Variants in TACC1 observed in about 807,000 individuals in gnomAD.
The protein encoded by TACC1 is transforming acidic coiled-coil-containing protein 1.
In TACC1, 48 loss-of-function variants were observed where a neutral mutation model predicts 84.4. The ratio of observed to expected loss-of-function variants is 0.57; its 90% confidence interval spans 0.45 to 0.72. The LOEUF is 0.72. Ranked by LOEUF, TACC1 falls within the 30% of genes least tolerant of loss-of-function variation. TACC1 has a pLI of 0.00. For synonymous variants in TACC1, 372 were observed against 376.3 expected (o/e 0.99, Z 0.13); for missense variants, 920 against 973.0 (o/e 0.95, Z 0.72).
rs969196556 is a variant in TACC1 at position 38,797,238 on chromosome 8, G to A, written c.277+8419G>A. ...CTCAAAAGTCACACTTATTTCCACA[G>A]TATCCTTTTGGTTACACAGGTCAGT... is the stretch of plus-strand genomic sequence containing the variant. On this transcript the variant is annotated intron_variant, in intron 2 of 12. Coordinates refer to ENST00000317827, the MANE Select transcript of TACC1 (RefSeq NM_006283.3). 3.3e-5 allele frequency among the ~76,000 whole-genome samples: 5 copies of A among 152,344 alleles called. No individual in the cohort carries two copies. The South Asian group carries it at 1.0e-3, about 32-fold the overall frequency.
intron 3 of TACC1, chr8:38,757,494 A>C: frequency 9.2e-7 from 1 of 1,083,292 alleles, no homozygotes; most frequent in African/African-American, 1.7e-5. Context: ...CCGTCCCAGA[A>C]AGGCTGGGAA....
chr8:38,731,309 G>A (rs1264190526), intron 1 of TACC1, among the ~76,000 whole-genome samples: 1 of 152,136 alleles, frequency 6.6e-6, no homozygotes, highest in Non-Finnish European at 1.5e-5. Context: ...TCTCAGCTCT[G>A]TCACATTTTA....
rs1392398711 is a variant in TACC1, at chr8:38,819,558, T to A, written c.314T>A (p.Val105Glu). The A allele has an allele frequency of 6.2e-7, 1 of 1,612,454 alleles. No individual in the cohort carries two copies. The highest frequency in any genetic ancestry group is 8.5e-7 in the Non-Finnish European group (1 of 1,178,586). Residue 105 changes from valine (V) to glutamate (E), a missense_variant, in exon 3 of 13, where the codon GTG (valine) becomes GAG (glutamate). Around this residue, in one of 2 missense-constraint regions of TACC1, gnomAD observed 762 missense variants for 747.3 expected, o/e 1.02. Coordinates refer to ENST00000317827, the MANE Select transcript of TACC1 (RefSeq NM_006283.3). ...QEADEQLVAE[V>E]VEKCSSKTCS... is the part of the protein sequence containing the mutation. ...GCTGATGAACAGCTTGTAGCAGAAG[T>A]GGTTGAAAAATGTTCATCTAAGACT...
At chr8:38,800,281 A>G (rs890910436) in intron 2 of TACC1, among the ~76,000 whole-genome samples, 1 of 152,152 alleles carries the variant, frequency 6.6e-6, no homozygotes, top group Admixed American at 6.5e-5. Context: ...CTGCCATACA[A>G]TTCACCATTT....
chr8:38,793,260 G>T (rs1158712562), intron 2 of TACC1, among the ~76,000 whole-genome samples: 1 of 152,156 alleles, frequency 6.6e-6, no homozygotes, highest in African/African-American at 2.4e-5. Flanking sequence ...ACTGCCTCAG[G>T]CCTGTGAGGG....
At position 38,832,294 on chromosome 8, in the gene TACC1, GGTGTGGT is replaced by G. The variant is rs1829421414; in HGVS notation, c.1713+1120_1713+1126del. ...ATACACTGTTGTGTTAGAATACACT[GGTGTGGT>G]GTTGATAGGAAACACGTGGAAAAGA... is the stretch of plus-strand genomic sequence containing the variant. On this transcript the variant is annotated intron_variant, in intron 6 of 12. Transcript: ENST00000317827. 5.9e-5 allele frequency among the ~76,000 whole-genome samples: 9 copies of G among 152,346 alleles called. No individual in the cohort carries two copies. In the South Asian group the frequency reaches 1.9e-3, roughly 32 times the overall value.
At chr8:38,809,982 TA>T (rs1226623017) in intron 2 of TACC1, among the ~76,000 whole-genome samples, 6 of 152,148 alleles carry the variant, frequency 3.9e-5, no homozygotes, top group Admixed American at 6.5e-5. Flanking sequence ...TATGTAACTG[TA>T]AAAAAACTTT....
At chr8:38,814,901 A>G (rs1469457169) in intron 2 of TACC1, among the ~76,000 whole-genome samples, 1 of 152,258 alleles carries the variant, frequency 6.6e-6, no homozygotes, top group Non-Finnish European at 1.5e-5. Context: ...AATTGTACAC[A>G]AGAAAATACA....
intron 2 of TACC1, among the ~76,000 whole-genome samples, chr8:38,742,710 C>T (rs765178281): frequency 5.9e-5 from 9 of 151,838 alleles, no homozygotes; most frequent in Non-Finnish European, 1.3e-4. Flanking sequence ...TCTTTTTTTG[C>T]TTGTTTGTTT....
chr8:38,805,208 A>C (rs549340104), intron 2 of TACC1, among the ~76,000 whole-genome samples: 1 of 152,226 alleles, frequency 6.6e-6, no homozygotes, highest in Non-Finnish European at 1.5e-5. Context: ...CTCATAGCAC[A>C]TACCTTAGAT....
intron 2 of TACC1, among the ~76,000 whole-genome samples, chr8:38,813,941 C>G (rs1824841260): frequency 6.6e-6 from 1 of 152,092 alleles, no homozygotes; most frequent in South Asian, 2.1e-4. Context: ...GTAGGTAGGC[C>G]TTTGTGGGCA....
At chr8:38,816,132 C>T (rs1011262686) in intron 2 of TACC1, among the ~76,000 whole-genome samples, 4 of 151,996 alleles carry the variant, frequency 2.6e-5, no homozygotes, top group African/African-American at 9.7e-5. Flanking sequence ...GTAAGAGGAG[C>T]AGAGGGGAAT....
rs532172841 is a variant in TACC1, at chr8:38,819,996, A to G, written c.752A>G (p.Asn251Ser). Residue 251 changes from asparagine to serine, a missense_variant, in exon 3 of 13, where the codon AAC becomes AGC. Around this residue, in one of 2 missense-constraint regions of TACC1, gnomAD observed 762 missense variants for 747.3 expected, o/e 1.02. Transcript: ENST00000317827. Reference protein sequence around the residue: ...KAIGGEFSDTNAAVEGTPLPK... With the variant: ...KAIGGEFSDTSAAVEGTPLPK... ...ATTGGAGGAGAGTTCTCAGACACCA[A>G]CGCTGCTGTGGAGGGCACACCTCTC... The G allele has an allele frequency of 3.7e-6, 6 of 1,613,992 alleles. No individual in the cohort carries two copies. The highest frequency in any genetic ancestry group is 4.5e-5 in the East Asian group (2 of 44,880).
intron 6 of TACC1, among the ~76,000 whole-genome samples, chr8:38,834,510 C>T (rs1204752509): frequency 6.6e-6 from 1 of 152,178 alleles, no homozygotes; most frequent in Non-Finnish European, 1.5e-5. Flanking sequence ...CAAGTGCCTT[C>T]TGGTTCTAGT....
At chr8:38,811,747 T>C (rs556023642) in intron 2 of TACC1, among the ~76,000 whole-genome samples, 1 of 152,330 alleles carries the variant, frequency 6.6e-6, no homozygotes, top group Admixed American at 6.5e-5. Context: ...TTAAACAATA[T>C]GAAATCAGTG....
intron 2 of TACC1, among the ~76,000 whole-genome samples, chr8:38,804,234 T>C (rs1822107993): frequency 6.6e-6 from 1 of 152,210 alleles, no homozygotes; most frequent in African/African-American, 2.4e-5. Context: ...GAACAAATTT[T>C]CATTAAATTT....
chr8:38,751,577 A>G lies in TACC1; in HGVS notation c.26+6084A>G, dbSNP rs558261168. On this transcript the variant is annotated intron_variant, in intron 3 of 14. Coordinates refer to the TACC1 transcript ENST00000518415. ...TGTGTGGGATAAGTCTATTGGTGCCATTTTTCTAACAGCATGTACTCACTT... is the reference window on the plus strand; with the variant it reads ...TGTGTGGGATAAGTCTATTGGTGCCGTTTTTCTAACAGCATGTACTCACTT... Among the ~76,000 whole-genome samples, 188 of 152,082 alleles carry G rather than the reference A, an allele frequency of 1.2e-3. 2 individuals are homozygous for G. Among genetic ancestry groups the G allele is most frequent in the Non-Finnish European group, 8.8e-5 (6 of 67,968 alleles).
At chr8:38,756,317 C>A (rs1208708401) in intron 3 of TACC1, among the ~76,000 whole-genome samples, 1 of 151,996 alleles carries the variant, frequency 6.6e-6, no homozygotes, top group African/African-American at 2.4e-5. Context: ...AGCTTATGTT[C>A]TAGCAAGGGA....
intron 6 of TACC1, 22 bp downstream of exon 6, chr8:38,831,199 G>A (rs1382306291): frequency 1.9e-6 from 3 of 1,613,634 alleles, no homozygotes; most frequent in Non-Finnish European, 2.5e-6. Flanking sequence ...AATGTGGAGG[G>A]CCGGGTGGAC....
Sources: allele counts gnomAD v4.1 joint callset (sites outside exome capture counted in the v4.1 genomes callset), GRCh38; gene constraint gnomAD v4.1.1; regional missense constraint gnomAD v4.1.1; transcripts MANE v1.5; gene names NCBI Gene and HGNC (gene_info 2026-07-23, HGNC 2026-07-21).